GRAMD1C: variants seen among roughly 807,000 people sequenced by gnomAD.
The protein encoded by GRAMD1C is GRAM domain containing 1C.
GRAMD1C carries 89 observed loss-of-function variants against 97.8 expected under a neutral mutation model. That is an observed-to-expected ratio of 0.91 (90% CI 0.77 to 1.09). GRAMD1C has a LOEUF of 1.09. Among genes scored for constraint, GRAMD1C ranks in the 50% least tolerant of loss-of-function variants. The probability of loss-of-function intolerance (pLI) is 0.00; values close to 1 mark genes in which losing one functional copy is unlikely to be tolerated. For synonymous variants in GRAMD1C, 256 were observed against 267.0 expected (o/e 0.96, Z 0.40); for missense variants, 740 against 766.4 (o/e 0.97, Z 0.41).
rs771956221 is a variant in GRAMD1C, at chr3:113,936,300, T to C, written c.1491T>C (p.Asn497=). 7.5e-6 allele frequency: 12 copies of C among 1,602,708 alleles called. No individual in the cohort carries two copies. The highest frequency in any genetic ancestry group is 1.1e-5 in the South Asian group (1 of 90,034). ...SDLLIEESVL[N]QAIEDPGKLT... is the part of the protein sequence containing the mutation. ...TGTTAATTGAAGAATCTGTATTAAA[T>C]CAGGCCATTGAAGACCCTGGAAAAC... The change falls in exon 14 of 18, where the codon AAT becomes AAC. Residue 497 remains asparagine (N), a synonymous_variant. Transcript: ENST00000358160.
intron 2 of GRAMD1C, among the ~76,000 whole-genome samples, chr3:113,861,460 G>A (rs960404075): frequency 2.0e-5 from 3 of 152,072 alleles, no homozygotes; most frequent in Non-Finnish European, 2.9e-5. Flanking sequence ...TGCTATGATC[G>A]TGCCTGTGAA....
intron 2 of GRAMD1C, among the ~76,000 whole-genome samples, chr3:113,861,772 T>C (rs1934383077): frequency 6.6e-6 from 1 of 152,024 alleles, no homozygotes; most frequent in African/African-American, 2.4e-5. Context: ...AGTTACGAGG[T>C]AAATGTAAAT....
intron 10 of GRAMD1C, among the ~76,000 whole-genome samples, chr3:113,930,190 T>C (rs1937358671): frequency 6.6e-6 from 1 of 152,178 alleles, no homozygotes; most frequent in Non-Finnish European, 1.5e-5. Flanking sequence ...TCATTTATGT[T>C]CCATTGCCTT....
chr3:113,911,727 C>CCTTCCTTCCTTCCTTTCTTCCTTCCTTT, intron 9 of GRAMD1C, among the ~76,000 whole-genome samples: 1 of 93,914 alleles, frequency 1.1e-5, no homozygotes, highest in East Asian at 4.2e-4. Context: ...TTCCTTCCTT[C>CCTTCCTTCCTTCCTTTCTTCCTTCCTTT]CTTTTCTTTC....
At chr3:113,835,222 T>C (rs532100101), upstream of GRAMD1C, among the ~76,000 whole-genome samples, 5 of 152,230 alleles carry the variant, frequency 3.3e-5, no homozygotes, top group African/African-American at 4.8e-5. Flanking sequence ...CCAGCAATGC[T>C]ACTGTTTTAC....
In GRAMD1C at chr3:113,896,890, A is replaced by G. The variant is rs13317582; in HGVS notation, c.541-4141A>G. On this transcript the variant is annotated intron_variant, in intron 6 of 17. Coordinates refer to ENST00000358160, the MANE Select transcript of GRAMD1C (RefSeq NM_017577.5). ...TTAGAAGAAAAATTTTCTTCTGAGA[A>G]ATAAATAGGAATTAGTAGATGAAAC... is the stretch of plus-strand genomic sequence containing the variant. Among the ~76,000 whole-genome samples the G allele has an allele frequency of 1.6e-3, 248 of 151,830 alleles. 3 individuals carry two copies. The highest frequency in any genetic ancestry group is 5.2e-3 in the African/African-American group (214 of 41,094).
At chr3:113,828,652 C>T (rs1246564404) in intron 1 of GRAMD1C, among the ~76,000 whole-genome samples, 1 of 152,174 alleles carries the variant, frequency 6.6e-6, no homozygotes, top group African/African-American at 2.4e-5. Context: ...CATCTATAAA[C>T]TCACAATCCA....
intron 9 of GRAMD1C, among the ~76,000 whole-genome samples, chr3:113,912,203 GCACCTT>G (rs1383954157): frequency 6.6e-6 from 1 of 151,998 alleles, no homozygotes; most frequent in East Asian, 1.9e-4. Context: ...CCCTAATTGG[GCACCTT>G]TAACTCGGAA....
At chr3:113,891,852 A>G (rs1443999714) in intron 6 of GRAMD1C, among the ~76,000 whole-genome samples, 3 of 151,716 alleles carry the variant, frequency 2.0e-5, no homozygotes, top group Non-Finnish European at 4.4e-5. Context: ...GTGCCACTGC[A>G]CTCCAGCCTG....
In GRAMD1C at chr3:113,882,915, C is replaced by G. The variant is rs555786864; in HGVS notation, c.540+83C>G. The G allele has an allele frequency of 6.3e-6, 4 of 636,382 alleles. No homozygotes were observed. The Admixed American group carries it at 7.5e-5, about 12-fold the overall frequency. The allele number at this position is 636,382 out of a possible 1,614,324, so 39.4% of individuals were successfully genotyped here. The stretch of plus-strand genomic sequence containing the variant: ...AATTGAAGAGCTCCTTCTTATTTTT[C>G]TTAACTAAATTTGACTAGATAATTG... On this transcript the variant is annotated intron_variant, in intron 6 of 17. Coordinates refer to ENST00000358160, the MANE Select transcript of GRAMD1C (RefSeq NM_017577.5).
At chr3:113,865,984 T>C (rs1179869157) in intron 2 of GRAMD1C, among the ~76,000 whole-genome samples, 1 of 152,164 alleles carries the variant, frequency 6.6e-6, no homozygotes, top group African/African-American at 2.4e-5. Flanking sequence ...TTACTGAAAC[T>C]TGTTTTGTGG....
intron 2 of GRAMD1C, among the ~76,000 whole-genome samples, chr3:113,859,963 C>T (rs897047067): frequency 6.6e-6 from 1 of 152,152 alleles, no homozygotes; most frequent in African/African-American, 2.4e-5. Context: ...CAGTGAACAT[C>T]CTTAACATGA....
At chr3:113,871,007 A>G (rs764320751) in intron 3 of GRAMD1C, among the ~76,000 whole-genome samples, 2,341 of 109,176 alleles carry the variant, frequency 0.021, 48 homozygotes, top group Non-Finnish European at 0.03. Context: ...ACACACACAC[A>G]CACACACACA....
chr3:113,843,049 G>GTTTTTTTTTTTTTT (rs71144092), intron 1 of GRAMD1C, among the ~76,000 whole-genome samples: 71 of 53,430 alleles, frequency 1.3e-3, no homozygotes, highest in Non-Finnish European at 2.1e-3. Flanking sequence ...ACCATAAGCT[G>GTTTTTTTTTTTTTT]TTTTTTTTTT....
chr3:113,931,384 G>A (rs918841769), intron 11 of GRAMD1C, among the ~76,000 whole-genome samples: 18 of 148,542 alleles, frequency 1.2e-4, no homozygotes, highest in South Asian at 2.1e-4. Context: ...TTTTTGAGAC[G>A]GAGTCTCACT....
intron 6 of GRAMD1C, among the ~76,000 whole-genome samples, chr3:113,890,452 C>T (rs1935676942): frequency 6.6e-6 from 1 of 152,232 alleles, no homozygotes; most frequent in African/African-American, 2.4e-5. Flanking sequence ...GTGCTGCTCT[C>T]AACTCAGCTC....
chr3:113,886,777 G>GTTTTTT (rs34683672), intron 6 of GRAMD1C, among the ~76,000 whole-genome samples: 32 of 80,026 alleles, frequency 4.0e-4, no homozygotes, highest in African/African-American at 4.7e-4. Flanking sequence ...TTGTTTGCTT[G>GTTTTTT]TTTTTTTTTT....
intron 3 of GRAMD1C, among the ~76,000 whole-genome samples, chr3:113,872,288 AAACTT>A (rs931715361): frequency 1.6e-4 from 25 of 152,228 alleles, no homozygotes; most frequent in African/African-American, 5.5e-4. Context: ...ATATAGAAAA[AAACTT>A]AAATGGGAAC....
chr3:113,898,705 T>C (rs1314162332), intron 6 of GRAMD1C, among the ~76,000 whole-genome samples: 2 of 152,190 alleles, frequency 1.3e-5, no homozygotes, highest in African/African-American at 4.8e-5. Flanking sequence ...AGTGAGAATT[T>C]ATTAGCCTGT....
Sources: allele counts gnomAD v4.1 joint callset (sites outside exome capture counted in the v4.1 genomes callset), GRCh38; gene constraint gnomAD v4.1.1; transcripts MANE v1.5; gene names NCBI Gene and HGNC (gene_info 2026-07-23, HGNC 2026-07-21).